TRIOBP: variants seen among roughly 807,000 people sequenced by gnomAD.
TRIOBP encodes TRIO and F-actin-binding protein.
TRIOBP carries 169 observed loss-of-function variants against 238.8 expected under a neutral mutation model. The observed-to-expected ratio is 0.71, with a 90% CI of 0.62 to 0.80. The LOEUF (loss-of-function observed/expected upper bound fraction) is 0.80, where lower values mean the gene tolerates loss of function less well. TRIOBP is among the 30% of genes least tolerant of loss of function. TRIOBP has a pLI of 0.00. For synonymous variants in TRIOBP, 1,150 were observed against 1,274.4 expected (o/e 0.90, Z 2.08); for missense variants, 2,838 against 3,122.6 (o/e 0.91, Z 2.17).
chr22:37,725,843 A>C lies in TRIOBP; in HGVS notation c.3287A>C (p.His1096Pro), dbSNP rs549764410. The C allele has an allele frequency of 6.3e-7, 1 of 1,578,460 alleles. No individual in the cohort carries two copies. Among genetic ancestry groups the C allele is most frequent in the Admixed American group, 1.7e-5 (1 of 57,200 alleles). Residue 1096 changes from histidine (H) to proline (P), a missense_variant, in exon 7 of 24, where the codon CAT becomes CCT. By Grantham distance (77) the His-to-Pro change is moderately conservative. This residue lies in a region of TRIOBP where 2,096 missense variants were observed against 2,137.4 expected (regional missense o/e 0.98). Transcript: ENST00000644935. Reference protein sequence around the residue: ...PFLPDTSDAEHQCQSPQHEPL... With the variant: ...PFLPDTSDAEPQCQSPQHEPL... ...CTCCCAGACACATCAGATGCCGAGC[A>C]TCAGTGTCAGTCCCCCCAACACGAG...
In TRIOBP at chr22:37,734,625, A is replaced by G. The variant is rs1924573746; in HGVS notation, c.4289A>G (p.Gln1430Arg). The change falls in exon 9 of 24, where the codon CAG (glutamine) becomes CGG (arginine). Residue 1430 changes from glutamine (Q) to arginine (R), a missense_variant. Transcript: ENST00000644935. ...CAGCCTCTGGGGGTGTGGCAGAGTC[A>G]GGAGGAACCGCCAGGGTCCCAGGGC... ...PRQPLGVWQS[Q>R]EEPPGSQGPH... The G allele has an allele frequency of 1.3e-6, 2 of 1,587,152 alleles. No individual in the cohort carries two copies. The highest frequency in any genetic ancestry group is 1.7e-6 in the Non-Finnish European group (2 of 1,167,266).
chr22:37,754,559 C>T (rs941647412), intron 12 of TRIOBP, among the ~76,000 whole-genome samples: 3 of 152,180 alleles, frequency 2.0e-5, no homozygotes, highest in Non-Finnish European at 4.4e-5. Context: ...ACGTAACGTC[C>T]TGGCCCCGCT....
chr22:37,767,921 T>C (rs1003986640), intron 18 of TRIOBP, among the ~76,000 whole-genome samples, 153 bp from the exon 19 acceptor site: 2 of 152,168 alleles, frequency 1.3e-5, no homozygotes, highest in Non-Finnish European at 1.5e-5. Context: ...GCTCTTTGCA[T>C]AGCACTCCTT....
intron 17 of TRIOBP, among the ~76,000 whole-genome samples, chr22:37,762,254 C>T (rs1308150480): frequency 6.6e-6 from 1 of 152,134 alleles, no homozygotes; most frequent in Non-Finnish European, 1.5e-5. Flanking sequence ...TTTGTAGAGA[C>T]AAGGTCTCAC....
At chr22:37,746,292 C>G in intron 11 of TRIOBP, 1 of 1,083,616 alleles carries the variant, frequency 9.2e-7, no homozygotes, top group South Asian at 4.3e-5. Flanking sequence ...GCCGGAGGCG[C>G]GGCGGCGGGC....
intron 17 of TRIOBP, 81 bp from the exon 18 acceptor site, chr22:37,765,589 G>A: frequency 6.5e-7 from 1 of 1,538,016 alleles, no homozygotes; most frequent in Non-Finnish European, 8.8e-7. Context: ...CTGCCCCTGA[G>A]CCTTCTCCTC....
intron 3 of TRIOBP, among the ~76,000 whole-genome samples, chr22:37,701,879 G>A (rs1285079847): frequency 6.6e-6 from 1 of 152,190 alleles, no homozygotes; most frequent in Non-Finnish European, 1.5e-5. Flanking sequence ...TGTAATCCCA[G>A]CACTTTGGGA....
rs571857057 is a variant in TRIOBP at position 37,744,000 on chromosome 22, CT to C, written c.5322+2987del. 7.9e-3 allele frequency among the ~76,000 whole-genome samples: 1,027 copies of C among 130,444 alleles called. 7 individuals are homozygous for C. Among genetic ancestry groups the C allele is most frequent in the African/African-American group, 0.02 (700 of 35,322 alleles). 85.6% of individuals were successfully genotyped at this position (130,444 alleles called of 152,430 possible). The stretch of plus-strand genomic sequence containing the variant: ...TTCCTAGTAGTCCAGTGCTGTGTAT[CT>C]TTTTTTTTTTTTTTTTTTCTGAGAT... On this transcript the variant is annotated intron_variant, in intron 11 of 23. Transcript: ENST00000644935.
intron 17 of TRIOBP, among the ~76,000 whole-genome samples, chr22:37,760,652 G>A (rs578134348): frequency 1.3e-5 from 2 of 152,304 alleles, no homozygotes; most frequent in Non-Finnish European, 2.9e-5. Context: ...ACAATCAGCT[G>A]TCTGTAGTTA....
intron 17 of TRIOBP, chr22:37,759,834 AAACT>A (rs1926150534): frequency 8.3e-7 from 1 of 1,209,218 alleles, no homozygotes; most frequent in Non-Finnish European, 1.1e-6. Flanking sequence ...CAACTAGGAC[AAACT>A]AACTCTCTAG....
chr22:37,748,424 A>C (rs531436715), intron 11 of TRIOBP, among the ~76,000 whole-genome samples: 2 of 152,228 alleles, frequency 1.3e-5, no homozygotes, highest in East Asian at 3.9e-4. Context: ...GCCTGGGTGC[A>C]GCTTTGCTCC....
At chr22:37,713,695 C>T (rs1923375283) in intron 5 of TRIOBP, among the ~76,000 whole-genome samples, 4 of 152,192 alleles carry the variant, frequency 2.6e-5, no homozygotes, top group Admixed American at 2.6e-4. Flanking sequence ...GCTCGGGCTG[C>T]CACATGCTCT....
chr22:37,741,391 A>T (rs1265005517), intron 11 of TRIOBP, among the ~76,000 whole-genome samples: 1 of 152,216 alleles, frequency 6.6e-6, no homozygotes, highest in Non-Finnish European at 1.5e-5. Flanking sequence ...CTGGGATTGC[A>T]AAGTGTGTCT....
Position 37,724,588 on chromosome 22 carries a change from C to T in TRIOBP, c.2032C>T (p.Leu678=), listed in dbSNP as rs1924019643. The part of the protein sequence containing the change: ...QQENPRTSCA[L]RDNPRASSPS... ...AGAGAACCCCAGAACATCCTGTGCC[C>T]TACGGGACAATCCCAGAGCCTCCTC... The change falls in exon 7 of 24, where the codon CTA becomes TTA. Residue 678 remains leucine, a synonymous_variant. Coordinates refer to ENST00000644935, the MANE Select transcript of TRIOBP (RefSeq NM_001039141.3). 5.0e-6 allele frequency: 8 copies of T among 1,611,516 alleles called. No homozygotes were observed. Among genetic ancestry groups the T allele is most frequent in the South Asian group, 1.1e-5 (1 of 90,854 alleles).
At chr22:37,747,886 G>A (rs528309760) in intron 11 of TRIOBP, among the ~76,000 whole-genome samples, 4 of 152,212 alleles carry the variant, frequency 2.6e-5, no homozygotes, top group Non-Finnish European at 4.4e-5. Flanking sequence ...ACAGTTGCCT[G>A]TCCTGGGGGC....
In TRIOBP at chr22:37,741,079, C is replaced by T. The variant is rs370495057; in HGVS notation, c.5322+47C>T. The T allele has an allele frequency of 8.1e-5, 124 of 1,533,338 alleles. No homozygotes were observed. In the African/African-American group the frequency reaches 1.1e-3, roughly 13 times the overall value. The allele number at this position is 1,533,338 out of a possible 1,614,324, so 95.0% of individuals were successfully genotyped here. A position where few individuals can be genotyped will look rare whatever the true frequency, so the allele number is the denominator to read the frequency against. ...CTGGAGGGGTGAGGGTGGATAGAGA[C>T]GGGGATGGGAGGGAGGAGGGGGCTG... On this transcript the variant is annotated intron_variant, in intron 11 of 23. Transcript: ENST00000644935.
chr22:37,712,914 G>A (rs1923327598), intron 4 of TRIOBP, among the ~76,000 whole-genome samples: 2 of 151,160 alleles, frequency 1.3e-5, no homozygotes, highest in South Asian at 4.2e-4. Context: ...CCGAGATGGT[G>A]CCACTGCACT....
At chr22:37,765,923 C>T (rs1421234098) in intron 18 of TRIOBP, 106 bp downstream of exon 18, 1 of 1,402,256 alleles carries the variant, frequency 7.1e-7, no homozygotes, top group East Asian at 2.5e-5. Context: ...GTAGGGGTCT[C>T]AGTGCCACAT....
At chr22:37,772,841 C>G in intron 23 of TRIOBP, 77 bp downstream of exon 23, 1 of 1,544,832 alleles carries the variant, frequency 6.5e-7, no homozygotes, top group South Asian at 1.2e-5. Flanking sequence ...CTGGACCACC[C>G]CAGCCAGGCC....
Sources: gnomAD v4.1 joint callset for allele counts (sites outside exome capture counted in the v4.1 genomes callset) on GRCh38, gnomAD v4.1.1 for gene constraint, gnomAD v4.1.1 regional missense constraint, MANE v1.5 for transcripts, NCBI Gene and HGNC (gene_info 2026-07-23, HGNC 2026-07-21) for gene names.